The following NKAIN2 variants were observed in gnomAD, a reference collection of about 807,000 sequenced individuals.
NKAIN2 encodes sodium/potassium-transporting ATPase subunit beta-1-interacting protein 2.
In NKAIN2, 14 loss-of-function variants were observed where a neutral mutation model predicts 32.6. The ratio of observed to expected loss-of-function variants is 0.43; its 90% CI spans 0.28 to 0.67. NKAIN2 has a LOEUF of 0.67. Among genes scored for constraint, NKAIN2 ranks in the 30% least tolerant of loss-of-function variants. The probability of loss-of-function intolerance (pLI) is 0.17; values close to 1 mark genes in which losing one functional copy is unlikely to be tolerated. For synonymous variants in NKAIN2, 80 were observed against 87.2 expected, an observed-to-expected ratio of 0.92 and a Z score of 0.46; for missense variants, 198 against 258.3, an observed-to-expected ratio of 0.77 and a Z score of 1.60.
At chr6:124,340,732 C>G (rs1798079639) in intron 2 of NKAIN2, among the ~76,000 whole-genome samples, 1 of 152,126 alleles carries the variant, frequency 6.6e-6, no homozygotes, top group Non-Finnish European at 1.5e-5. Flanking sequence ...GTTCAAGTTT[C>G]TAATTTATTT....
chr6:123,831,565 A>C, intron 1 of NKAIN2, among the ~76,000 whole-genome samples: 1 of 151,842 alleles, frequency 6.6e-6, no homozygotes, highest in East Asian at 1.9e-4. Context: ...ATACCAAAAT[A>C]AAGAGACAGG....
At chr6:124,277,297 G>A (rs2114901054) in intron 1 of NKAIN2, among the ~76,000 whole-genome samples, 2 of 152,220 alleles carry the variant, frequency 1.3e-5, no homozygotes, top group South Asian at 4.2e-4. Context: ...CATTCTGTAG[G>A]TTAGGCTGGA....
At chr6:124,542,232 T>C (rs1200080795) in intron 3 of NKAIN2, among the ~76,000 whole-genome samples, 2 of 152,138 alleles carry the variant, frequency 1.3e-5, no homozygotes, top group Non-Finnish European at 2.9e-5. Flanking sequence ...CATTCTGAGC[T>C]AAATAAAACT....
At chr6:124,213,999 A>G (rs532324366) in intron 1 of NKAIN2, among the ~76,000 whole-genome samples, 2 of 152,288 alleles carry the variant, frequency 1.3e-5, no homozygotes, top group South Asian at 2.1e-4. Context: ...TTGTTGTACT[A>G]TTCACAATAT....
intron 3 of NKAIN2, among the ~76,000 whole-genome samples, chr6:124,619,428 ATATTT>A (rs780466302): frequency 5.3e-5 from 8 of 152,162 alleles, no homozygotes; most frequent in African/African-American, 1.2e-4. Flanking sequence ...AAATAATAAA[ATATTT>A]TATTTTAACA....
At chr6:124,326,118 G>T (rs1171875926) in intron 2 of NKAIN2, among the ~76,000 whole-genome samples, 3 of 141,920 alleles carry the variant, frequency 2.1e-5, no homozygotes, top group African/African-American at 2.6e-5. Flanking sequence ...ATTTTTGTTT[G>T]TTTATATAAA....
At chr6:124,664,561 G>A (rs376519001) in intron 4 of NKAIN2, among the ~76,000 whole-genome samples, 4 of 151,122 alleles carry the variant, frequency 2.6e-5, no homozygotes, top group South Asian at 2.1e-4. Context: ...TTGGGAGGCC[G>A]AGGCGGGCGG....
intron 1 of NKAIN2, among the ~76,000 whole-genome samples, chr6:124,266,544 G>C (rs1794501874): frequency 1.3e-5 from 2 of 152,146 alleles, no homozygotes; most frequent in Non-Finnish European, 2.9e-5. Context: ...CTCCCAAAGT[G>C]CTGGGATTAC....
intron 3 of NKAIN2, among the ~76,000 whole-genome samples, chr6:124,523,322 TACGAGG>T (rs1361210670): frequency 6.6e-6 from 1 of 152,078 alleles, no homozygotes; most frequent in Non-Finnish European, 1.5e-5. Flanking sequence ...TTGTCTGGTA[TACGAGG>T]ATGTTTATCA....
intron 1 of NKAIN2, among the ~76,000 whole-genome samples, chr6:124,171,434 C>G (rs897851680): frequency 6.6e-6 from 1 of 151,574 alleles, no homozygotes; most frequent in African/African-American, 2.4e-5. Context: ...CGGATCCATT[C>G]TGGAATAATT....
At chr6:124,804,220 G>T (rs1780410425) in intron 5 of NKAIN2, among the ~76,000 whole-genome samples, 1 of 152,136 alleles carries the variant, frequency 6.6e-6, no homozygotes, top group Non-Finnish European at 1.5e-5. Context: ...CTGATAACAA[G>T]ATCCAGGTCT....
Position 123,805,516 on chromosome 6 carries a change from T to G in NKAIN2, c.54+1262T>G, listed in dbSNP as rs149580865. Among the ~76,000 whole-genome samples, 97 of 152,314 alleles carry G rather than the reference T, an allele frequency of 6.4e-4. 1 individual carries two copies. In the East Asian group the frequency reaches 0.016, roughly 25 times the overall value. Reference sequence around the variant, plus strand: ...GATGGTGTCTATTTTGATCTGTGATTTATGCGCTTATGCACTTGGTTGTAA... The same window carrying G: ...GATGGTGTCTATTTTGATCTGTGATGTATGCGCTTATGCACTTGGTTGTAA... On this transcript the variant is annotated intron_variant, in intron 1 of 6. Transcript: ENST00000368417.
chr6:124,817,314 T>A (rs965806856), intron 5 of NKAIN2, among the ~76,000 whole-genome samples: 2 of 152,160 alleles, frequency 1.3e-5, no homozygotes, highest in African/African-American at 4.8e-5. Context: ...CAATTCTTCT[T>A]CTTCTAATGT....
At chr6:124,298,444 C>A (rs1054380024) in intron 2 of NKAIN2, among the ~76,000 whole-genome samples, 2 of 152,114 alleles carry the variant, frequency 1.3e-5, no homozygotes, top group Non-Finnish European at 2.9e-5. Flanking sequence ...CATTTTCAAT[C>A]TGACACTGAA....
chr6:124,411,320 C>T lies in NKAIN2; in HGVS notation c.273+55973C>T, dbSNP rs1380497179. 2.8e-3 allele frequency among the ~76,000 whole-genome samples: 420 copies of T among 151,834 alleles called. 2 individuals are homozygous for T. Among genetic ancestry groups the T allele is most frequent in the African/African-American group, 8.1e-3 (336 of 41,340 alleles). ...GGCATGTTTTTGCAGTGGCTGGTAC[C>T]GGTTGTTCCTTTCCATGTTTAGTGC... is the stretch of plus-strand genomic sequence containing the variant. On this transcript the variant is annotated intron_variant, in intron 3 of 6. Transcript: ENST00000368417.
intron 5 of NKAIN2, among the ~76,000 whole-genome samples, chr6:124,801,220 A>G (rs1780240649): frequency 6.6e-6 from 1 of 152,224 alleles, no homozygotes; most frequent in Admixed American, 6.5e-5. Flanking sequence ...AATAGTAACA[A>G]GCAGATGGAA....
chr6:124,321,706 G>A (rs1165356529), intron 2 of NKAIN2, among the ~76,000 whole-genome samples: 1 of 152,076 alleles, frequency 6.6e-6, no homozygotes, highest in Non-Finnish European at 1.5e-5. Flanking sequence ...CCTGAGCTCT[G>A]GATGGCTAAG....
Position 124,370,969 on chromosome 6 carries a change from C to T in NKAIN2, c.273+15622C>T, listed in dbSNP as rs538898402. Among the ~76,000 whole-genome samples the T allele has an allele frequency of 2.2e-3, 334 of 152,108 alleles. 2 individuals are homozygous for T. The highest frequency in any genetic ancestry group is 6.2e-3 in the Admixed American group (94 of 15,264). ...GTAATCCATTGAGAAATTTTTACAC[C>T]CAGACCCCCCAGTACTTATTTTCTA... On this transcript the variant is annotated intron_variant, in intron 3 of 6. Coordinates refer to ENST00000368417, the MANE Select transcript of NKAIN2 (RefSeq NM_001040214.3).
chr6:124,346,287 G>T (rs1798419596), intron 2 of NKAIN2, among the ~76,000 whole-genome samples: 1 of 152,078 alleles, frequency 6.6e-6, no homozygotes, highest in Non-Finnish European at 1.5e-5. Flanking sequence ...GTGTGGTGTG[G>T]TGCTGAAAAA....
Sources: allele counts gnomAD v4.1 joint callset (sites outside exome capture counted in the v4.1 genomes callset), GRCh38; gene constraint gnomAD v4.1.1; transcripts MANE v1.5; gene names NCBI Gene and HGNC (gene_info 2026-07-23, HGNC 2026-07-21).